The following FAM200B variants were observed in gnomAD, a reference collection of about 807,000 sequenced individuals.
FAM200B encodes zinc finger BED-type containing 11.
A neutral mutation model predicts 33.1 loss-of-function variants in FAM200B; 32 were observed. The observed-to-expected ratio is 0.97, with a 90% CI of 0.73 to 1.30. The LOEUF is 1.30. Ranked by LOEUF, FAM200B falls within the 50% of genes most tolerant of loss-of-function variation. FAM200B has a pLI of 0.00. For missense variants in FAM200B, 741 were observed against 754.0 expected (o/e 0.98, Z 0.20); for synonymous variants, 240 against 264.8 (o/e 0.91, Z 0.91).
In FAM200B at chr4:15,688,791, T is replaced by C; in HGVS notation, c.1814T>C (p.Phe605Ser). The C allele has an allele frequency of 6.4e-7, 1 of 1,551,328 alleles. No individual in the cohort carries two copies. The highest frequency in any genetic ancestry group is 8.7e-7 in the Non-Finnish European group (1 of 1,146,758). The change falls in exon 2 of 2, where the codon TTC becomes TCC. Residue 605 changes from phenylalanine to serine, a missense_variant. Transcript: ENST00000422728. ...AAGAGTGTCCTGCTATTGCTACCAT[T>C]CACAACAACTAGTTTGTGTGAACTA... Reference protein sequence around the residue: ...SRKSVLLLLPFTTTSLCELGF... With the variant: ...SRKSVLLLLPSTTTSLCELGF...
chr4:15,674,208 T>TG, the FAM200B span, among the ~76,000 whole-genome samples: 8 of 152,038 alleles, frequency 5.3e-5, no homozygotes, highest in South Asian at 4.2e-4. Flanking sequence ...CATCGTGTTT[T>TG]TTTTTTTTTT....
chr4:15,636,816 T>G, the FAM200B span: 1 of 606,564 alleles, frequency 1.6e-6, no homozygotes, highest in Non-Finnish European at 2.8e-6. Flanking sequence ...TGAAATAACA[T>G]GTATTAGAGG....
the FAM200B span, among the ~76,000 whole-genome samples, chr4:15,657,572 G>C: frequency 6.6e-6 from 1 of 152,208 alleles, no homozygotes; most frequent in Non-Finnish European, 1.5e-5. Flanking sequence ...CAGCTGAAAA[G>C]TAGTAACAGC....
the FAM200B span, among the ~76,000 whole-genome samples, chr4:15,650,387 G>C: frequency 6.6e-6 from 1 of 152,120 alleles, no homozygotes; most frequent in African/African-American, 2.4e-5. Flanking sequence ...TCTCTTATCT[G>C]TGATGTACTC....
At chr4:15,640,878 T>C in the FAM200B span, 3 of 1,476,702 alleles carry the variant, frequency 2.0e-6, no homozygotes, top group East Asian at 7.8e-5. Flanking sequence ...ACTGTTCATA[T>C]TCATTCTGGA....
chr4:15,653,927 G>A, the FAM200B span, among the ~76,000 whole-genome samples: 1 of 152,174 alleles, frequency 6.6e-6, no homozygotes, highest in East Asian at 1.9e-4. Context: ...TTTAGTTTAA[G>A]GCTAATAAGC....
chr4:15,678,815 C>G (rs1290552741), upstream of FAM200B, among the ~76,000 whole-genome samples: 1 of 152,040 alleles, frequency 6.6e-6, no homozygotes, highest in Non-Finnish European at 1.5e-5. Context: ...TTCTCATTAT[C>G]TTCCTTCTGT....
chr4:15,659,146 ATAAT>A, the FAM200B span, among the ~76,000 whole-genome samples: 2 of 152,208 alleles, frequency 1.3e-5, no homozygotes, highest in African/African-American at 2.4e-5. Context: ...ACCCAGTAAA[ATAAT>A]TAATTTCTTA....
chr4:15,637,687 T>A, the FAM200B span, among the ~76,000 whole-genome samples: 1 of 152,172 alleles, frequency 6.6e-6, no homozygotes, highest in Non-Finnish European at 1.5e-5. Context: ...AAGCTACATT[T>A]CATAGTAAGG....
the FAM200B span, among the ~76,000 whole-genome samples, chr4:15,660,910 C>G: frequency 6.6e-6 from 1 of 152,000 alleles, no homozygotes; most frequent in Admixed American, 6.6e-5. Context: ...AACTCCATCT[C>G]TACTAAAAAT....
the FAM200B span, among the ~76,000 whole-genome samples, chr4:15,639,719 G>A: frequency 1.3e-5 from 2 of 152,196 alleles, no homozygotes; most frequent in Non-Finnish European, 2.9e-5. Flanking sequence ...GAGTTGGGGG[G>A]CCCTGAAAAA....
chr4:15,655,081 G>GGCT, the FAM200B span: 19 of 677,542 alleles, frequency 2.8e-5, no homozygotes, highest in African/African-American at 3.3e-4. Flanking sequence ...CTGCGCAGGC[G>GGCT]GCTACTCGCG....
chr4:15,643,864 ACTT>A, the FAM200B span, among the ~76,000 whole-genome samples: 2 of 152,230 alleles, frequency 1.3e-5, no homozygotes, highest in Admixed American at 1.3e-4. Context: ...TATAATTAAA[ACTT>A]CGACTTACAA....
Position 15,687,740 on chromosome 4 carries a change from G to T in FAM200B, c.763G>T (p.Glu255Ter). The T allele has an allele frequency of 6.5e-7, 1 of 1,550,288 alleles. No homozygotes were observed. Residue 255 changes from glutamate to a stop codon, truncating the protein, a stop_gained, in exon 2 of 2, where the codon GAG (glutamate) becomes TAG (stop). Coordinates refer to ENST00000422728, the MANE Select transcript of FAM200B (RefSeq NM_001145191.2). LOFTEE classifies it high-confidence loss of function. ...ATATGCGTGGCAAGATGATTTTTTGGAGGATTTTTTGTGTTTTTTAAATTT... is the reference window on the plus strand; with the variant it reads ...ATATGCGTGGCAAGATGATTTTTTGTAGGATTTTTTGTGTTTTTTAAATTT... Reference protein sequence around the residue: ...VRYAWQDDFLEDFLCFLNLTS... With the variant: ...VRYAWQDDFL
intron 1 of FAM200B, 116 bp from the exon 2 acceptor site, chr4:15,686,120 A>G (rs894868694): frequency 2.0e-5 from 3 of 152,228 alleles, no homozygotes; most frequent in African/African-American, 4.8e-5. Flanking sequence ...AAAGAGAGCT[A>G]TAGACTGTTT....
At chr4:15,657,712 T>G in the FAM200B span, among the ~76,000 whole-genome samples, 2 of 152,256 alleles carry the variant, frequency 1.3e-5, no homozygotes, top group African/African-American at 4.8e-5. Context: ...TATGCTGAAT[T>G]ATGTAGCAAT....
rs759753106 is a variant in FAM200B at position 15,688,281 on chromosome 4, T to C, written c.1304T>C (p.Ile435Thr). Residue 435 changes from isoleucine (I) to threonine (T), a missense_variant, in exon 2 of 2, where the codon ATT (isoleucine) becomes ACT (threonine). By Grantham distance (89) the Ile-to-Thr change is moderately conservative (BLOSUM62 -1). Transcript: ENST00000422728. ...WVTKLAYLTD[I>T]FSILNELSLK... ...ACAAAATTGGCATATTTAACTGATATTTTTAGCATTCTTAATGAACTGAGT... is the reference window on the plus strand; with the variant it reads ...ACAAAATTGGCATATTTAACTGATACTTTTAGCATTCTTAATGAACTGAGT... 5 of 1,548,334 alleles carry C rather than the reference T, an allele frequency of 3.2e-6. No homozygotes were observed. The South Asian group carries it at 4.8e-5, about 15-fold the overall frequency.
At chr4:15,648,957 T>C in the FAM200B span, among the ~76,000 whole-genome samples, 5 of 152,140 alleles carry the variant, frequency 3.3e-5, no homozygotes, top group African/African-American at 9.7e-5. Context: ...TATCAAAGCA[T>C]TGCATTGTAC....
At chr4:15,660,059 T>C in the FAM200B span, 1 of 152,028 alleles carries the variant, frequency 6.6e-6, no homozygotes, top group African/African-American at 2.4e-5. Context: ...ATCAGTTCTG[T>C]TTCCTTCCTC....
Sources: gnomAD v4.1 joint callset for allele counts (sites outside exome capture counted in the v4.1 genomes callset) on GRCh38, gnomAD v4.1.1 for gene constraint, MANE v1.5 for transcripts, NCBI Gene and HGNC (gene_info 2026-07-23, HGNC 2026-07-21) for gene names.